Variants in KCNIP4 observed in about 807,000 individuals in gnomAD.
The protein encoded by KCNIP4 is Kv channel-interacting protein 4.
KCNIP4 carries 12 observed loss-of-function variants against 34.0 expected under a neutral mutation model. The ratio of observed to expected loss-of-function variants is 0.35; its 90% CI spans 0.23 to 0.57. The LOEUF is 0.57. Among genes scored for constraint, KCNIP4 ranks in the 20% least tolerant of loss-of-function variants. The pLI is 0.83. For missense variants in KCNIP4, 238 were observed against 311.7 expected, an observed-to-expected ratio of 0.76 and a Z score of 1.78; for synonymous variants, 124 against 102.2, an observed-to-expected ratio of 1.21 and a Z score of -1.29.
At chr4:20,991,150 C>T (rs975701026) in intron 1 of KCNIP4, among the ~76,000 whole-genome samples, 2 of 152,186 alleles carry the variant, frequency 1.3e-5, no homozygotes, top group African/African-American at 4.8e-5. Flanking sequence ...AGGGTTCTTA[C>T]ATTGGAGGGG....
intron 1 of KCNIP4, among the ~76,000 whole-genome samples, chr4:20,930,010 G>GA (rs1321337788): frequency 2.0e-5 from 3 of 151,674 alleles, no homozygotes; most frequent in Middle Eastern, 3.4e-3. Context: ...CACAGAAATA[G>GA]AAAAAAAATT....
intron 1 of KCNIP4, among the ~76,000 whole-genome samples, chr4:21,157,728 G>T (rs1399727786): frequency 6.6e-6 from 1 of 151,944 alleles, no homozygotes; most frequent in Non-Finnish European, 1.5e-5. Context: ...TAGCAAAAAA[G>T]ATATCAAATC....
intron 1 of KCNIP4, among the ~76,000 whole-genome samples, chr4:21,462,988 C>T (rs1177985515): frequency 1.3e-5 from 2 of 151,808 alleles, no homozygotes; most frequent in East Asian, 3.9e-4. Flanking sequence ...GAGAGTGAGA[C>T]ATCTCCTTGA....
chr4:21,727,820 T>G (rs1314596688), intron 1 of KCNIP4, among the ~76,000 whole-genome samples: 3 of 152,098 alleles, frequency 2.0e-5, no homozygotes, highest in Middle Eastern at 3.4e-3. Flanking sequence ...CAGAGCAAGA[T>G]TCCATCTCAA....
At chr4:20,913,191 GAATA>G (rs1728490339) in intron 1 of KCNIP4, among the ~76,000 whole-genome samples, 1 of 151,772 alleles carries the variant, frequency 6.6e-6, no homozygotes, top group Admixed American at 6.6e-5. Context: ...AAAAAAGAAT[GAATA>G]GTGATATGTG....
intron 3 of KCNIP4, among the ~76,000 whole-genome samples, chr4:20,784,796 T>G (rs573605956): frequency 5.5e-4 from 84 of 152,232 alleles, no homozygotes; most frequent in African/African-American, 2.0e-3. Flanking sequence ...AGTGAATCAT[T>G]ACAAAACACT....
chr4:21,869,650 A>T (rs945516387), intron 1 of KCNIP4, among the ~76,000 whole-genome samples: 11 of 135,992 alleles, frequency 8.1e-5, no homozygotes, highest in Non-Finnish European at 1.6e-4. Flanking sequence ...ACTTTTAGGA[A>T]TTTTTTTTCC....
At chr4:21,177,878 A>ATATATATATATATATATATATATATAT (rs397839047) in intron 1 of KCNIP4, among the ~76,000 whole-genome samples, 1 of 145,486 alleles carries the variant, frequency 6.9e-6, no homozygotes, top group African/African-American at 2.6e-5. Context: ...ATATATATAT[A>ATATATATATATATATATATATATATAT]AAATATAACA....
chr4:20,761,788 T>C (rs1754983380), intron 3 of KCNIP4, among the ~76,000 whole-genome samples: 2 of 152,164 alleles, frequency 1.3e-5, no homozygotes, highest in Admixed American at 6.5e-5. Flanking sequence ...CACATATCTG[T>C]GTCAGAGGAA....
chr4:20,755,635 G>A (rs1377008770), intron 4 of KCNIP4, among the ~76,000 whole-genome samples: 1 of 152,160 alleles, frequency 6.6e-6, no homozygotes, highest in East Asian at 1.9e-4. Context: ...ATTGTCTCGA[G>A]TGCCGAAAAG....
intron 1 of KCNIP4, among the ~76,000 whole-genome samples, chr4:21,257,903 G>A (rs1398352222): frequency 6.6e-6 from 1 of 152,180 alleles, no homozygotes; most frequent in Non-Finnish European, 1.5e-5. Context: ...AGAAAGAGCT[G>A]AACATGATTT....
chr4:21,052,963 A>G (rs1303697182), intron 1 of KCNIP4, among the ~76,000 whole-genome samples: 1 of 151,844 alleles, frequency 6.6e-6, no homozygotes, highest in Non-Finnish European at 1.5e-5. Flanking sequence ...GGGGAGAGAG[A>G]TGAGAGAGAG....
chr4:21,869,705 C>G (rs894395858), intron 1 of KCNIP4, among the ~76,000 whole-genome samples: 1 of 151,650 alleles, frequency 6.6e-6, no homozygotes, highest in African/African-American at 2.4e-5. Flanking sequence ...TCTTCCCCCC[C>G]ACCGCCACAT....
chr4:21,208,840 T>C (rs996223156), intron 1 of KCNIP4, among the ~76,000 whole-genome samples: 1 of 152,132 alleles, frequency 6.6e-6, no homozygotes, highest in Non-Finnish European at 1.5e-5. Context: ...CTTACAATCA[T>C]GGCAGAAAGC....
intron 1 of KCNIP4, among the ~76,000 whole-genome samples, chr4:21,531,216 A>T (rs1736642330): frequency 6.6e-6 from 1 of 152,046 alleles, no homozygotes; most frequent in South Asian, 2.1e-4. Flanking sequence ...ATCTTGCCTC[A>T]TCTAGAATTA....
intron 1 of KCNIP4, among the ~76,000 whole-genome samples, chr4:21,002,187 T>C (rs1372031380): frequency 6.6e-6 from 1 of 152,184 alleles, no homozygotes; most frequent in Non-Finnish European, 1.5e-5. Flanking sequence ...TTCCCACCAT[T>C]GAAGTACAAA....
intron 1 of KCNIP4, among the ~76,000 whole-genome samples, chr4:21,477,753 G>A (rs548426395): frequency 1.1e-4 from 16 of 152,112 alleles, no homozygotes; most frequent in Non-Finnish European, 1.9e-4. Flanking sequence ...TGTACAGAAG[G>A]TGCCTAATTC....
chr4:21,227,967 T>C (rs1328970972), intron 1 of KCNIP4, among the ~76,000 whole-genome samples: 3 of 152,168 alleles, frequency 2.0e-5, no homozygotes, highest in African/African-American at 7.2e-5. Context: ...GTCCAATTCA[T>C]TGTACAGTGA....
intron 1 of KCNIP4, among the ~76,000 whole-genome samples, chr4:21,918,997 A>G (rs986312705): frequency 6.6e-6 from 1 of 152,174 alleles, no homozygotes; most frequent in Non-Finnish European, 1.5e-5. Flanking sequence ...GAGAAATATA[A>G]ACAAAGAACA....
Sources: gnomAD v4.1 joint callset for allele counts (sites outside exome capture counted in the v4.1 genomes callset) on GRCh38, gnomAD v4.1.1 for gene constraint, MANE v1.5 for transcripts, NCBI Gene and HGNC (gene_info 2026-07-23, HGNC 2026-07-21) for gene names.